The following CDH18 variants were observed in gnomAD, a reference collection of about 807,000 sequenced individuals.
CDH18 encodes the protein cadherin 18.
CDH18 carries 31 observed loss-of-function variants against 67.9 expected under a neutral mutation model. The ratio of observed to expected loss-of-function variants is 0.46; its 90% CI spans 0.34 to 0.62. The LOEUF is 0.62. Among genes scored for constraint, CDH18 ranks in the 20% least tolerant of loss-of-function variants. The pLI is 0.01. For synonymous variants in CDH18, 362 were observed against 347.2 expected, an observed-to-expected ratio of 1.04 and a Z score of -0.48; for missense variants, 890 against 975.5, an observed-to-expected ratio of 0.91 and a Z score of 1.17.
At position 20,473,805 on chromosome 5, in the gene CDH18, A is replaced by G. The variant is rs369563433; in HGVS notation, c.-580+101657T>C. ...CCAATCCTTGATTATTTTTGATAAT[A>G]GCATCTTAACATCAGATAATCTTAT... On this transcript the variant is annotated intron_variant, in intron 1 of 14. Transcript: ENST00000507958. Among the ~76,000 whole-genome samples, 397 of 152,272 alleles carry G rather than the reference A, an allele frequency of 2.6e-3. 14 individuals are homozygous for G. In the South Asian group the frequency reaches 0.048, roughly 19 times the overall value.
chr5:20,191,885 T>A (rs2126720143), intron 2 of CDH18, among the ~76,000 whole-genome samples: 1 of 152,254 alleles, frequency 6.6e-6, no homozygotes, highest in East Asian at 1.9e-4. Flanking sequence ...GTAATGGGAT[T>A]GCTAGGTCAA....
At chr5:19,973,338 T>C (rs1798202786) in intron 2 of CDH18, among the ~76,000 whole-genome samples, 1 of 152,174 alleles carries the variant, frequency 6.6e-6, no homozygotes, top group Non-Finnish European at 1.5e-5. Flanking sequence ...GGAATGCAGG[T>C]AATATTCCAT....
At chr5:20,562,094 T>C (rs1181581410) in intron 1 of CDH18, among the ~76,000 whole-genome samples, 3 of 151,830 alleles carry the variant, frequency 2.0e-5, no homozygotes, top group Non-Finnish European at 2.9e-5. Flanking sequence ...TTCATAGACA[T>C]AGTCTCACAA....
At chr5:20,142,260 A>G (rs566060864) in intron 2 of CDH18, among the ~76,000 whole-genome samples, 2 of 152,204 alleles carry the variant, frequency 1.3e-5, no homozygotes, top group South Asian at 4.1e-4. Context: ...ATTCCATCTC[A>G]TGGATATAAA....
intron 1 of CDH18, among the ~76,000 whole-genome samples, chr5:20,473,455 T>C (rs1325881729): frequency 1.3e-5 from 2 of 152,100 alleles, no homozygotes; most frequent in East Asian, 3.9e-4. Flanking sequence ...AACATTACAT[T>C]GGAAGGATGC....
At chr5:20,059,977 GGCT>G (rs1385075143) in intron 2 of CDH18, among the ~76,000 whole-genome samples, 2 of 151,826 alleles carry the variant, frequency 1.3e-5, no homozygotes, top group Non-Finnish European at 2.9e-5. Context: ...GCTTGTCGGG[GGCT>G]GGGGGGCTAG....
rs1209691609 is a variant in CDH18 at position 20,055,982 on chromosome 5, T to C, written c.-517-63968A>G. ...GTTTATGTCTAACTTTAGGGTCCTT[T>C]TGGTTTCCTTTTTTTTTTTTTTTTT... On this transcript the variant is annotated intron_variant, in intron 2 of 14. Coordinates refer to the CDH18 transcript ENST00000507958. 3.3e-5 allele frequency among the ~76,000 whole-genome samples: 5 copies of C among 149,636 alleles called. No individual in the cohort carries two copies. The Admixed American group carries it at 3.3e-4, about 10-fold the overall frequency.
At chr5:19,807,695 AC>A (rs1778178497) in intron 3 of CDH18, among the ~76,000 whole-genome samples, 1 of 152,144 alleles carries the variant, frequency 6.6e-6, no homozygotes, top group South Asian at 2.1e-4. Context: ...CAATGACCAC[AC>A]AAAACACATC....
At chr5:19,524,090 ACT>A (rs1476824358) in intron 9 of CDH18, among the ~76,000 whole-genome samples, 4 of 151,902 alleles carry the variant, frequency 2.6e-5, no homozygotes, top group Non-Finnish European at 5.9e-5. Flanking sequence ...TGCTTTTGTA[ACT>A]CTAATTCTTA....
At chr5:20,126,876 C>T (rs948578164) in intron 2 of CDH18, among the ~76,000 whole-genome samples, 5 of 152,064 alleles carry the variant, frequency 3.3e-5, no homozygotes, top group Non-Finnish European at 5.9e-5. Flanking sequence ...TAAAATGGTA[C>T]ATGATGAAAA....
chr5:20,264,456 C>T (rs191108946), intron 1 of CDH18, among the ~76,000 whole-genome samples: 9 of 151,882 alleles, frequency 5.9e-5, no homozygotes, highest in Non-Finnish European at 8.8e-5. Flanking sequence ...AATTTAATAG[C>T]GTGTACACAT....
At chr5:19,593,084 T>G (rs1745439944) in intron 6 of CDH18, among the ~76,000 whole-genome samples, 1 of 152,156 alleles carries the variant, frequency 6.6e-6, no homozygotes, top group African/African-American at 2.4e-5. Context: ...ACATTTAGAT[T>G]GTTTCCATGT....
intron 2 of CDH18, among the ~76,000 whole-genome samples, chr5:20,057,530 G>T (rs1357103296): frequency 2.6e-5 from 4 of 152,038 alleles, no homozygotes; most frequent in Non-Finnish European, 5.9e-5. Context: ...ACTGTTCCAT[G>T]CACTGGGGTT....
intron 2 of CDH18, among the ~76,000 whole-genome samples, chr5:20,092,460 T>A (rs1280873306): frequency 6.6e-6 from 1 of 152,196 alleles, no homozygotes; most frequent in Non-Finnish European, 1.5e-5. Context: ...GAGAAAATGT[T>A]TTGAATTTGG....
intron 1 of CDH18, among the ~76,000 whole-genome samples, chr5:20,321,364 AG>A (rs2150007228): frequency 6.6e-6 from 1 of 152,184 alleles, no homozygotes. Context: ...GTCAGACACC[AG>A]GGACCAGATA....
At chr5:19,684,345 T>A (rs1760766022) in intron 5 of CDH18, among the ~76,000 whole-genome samples, 1 of 151,658 alleles carries the variant, frequency 6.6e-6, no homozygotes, top group Admixed American at 6.6e-5. Context: ...GAATTAAAAT[T>A]GTATTTAATA....
intron 6 of CDH18, among the ~76,000 whole-genome samples, chr5:19,603,912 T>C (rs1747590088): frequency 6.6e-6 from 1 of 151,654 alleles, no homozygotes; most frequent in South Asian, 2.1e-4. Flanking sequence ...CAAGTAGTAC[T>C]AGAATAATTT....
At chr5:19,851,975 T>C (rs1581647261) in intron 2 of CDH18, among the ~76,000 whole-genome samples, 1 of 152,078 alleles carries the variant, frequency 6.6e-6, no homozygotes, top group African/African-American at 2.4e-5. Context: ...CATTGTTTTG[T>C]GTACGTGGAT....
At chr5:19,861,013 G>A (rs891774647) in intron 2 of CDH18, among the ~76,000 whole-genome samples, 1 of 152,052 alleles carries the variant, frequency 6.6e-6, no homozygotes, top group Non-Finnish European at 1.5e-5. Flanking sequence ...ATGAATGCAT[G>A]AGTTGAGATA....
Sources: allele counts gnomAD v4.1 joint callset (sites outside exome capture counted in the v4.1 genomes callset), GRCh38; gene constraint gnomAD v4.1.1; transcripts MANE v1.5; gene names NCBI Gene and HGNC (gene_info 2026-07-23, HGNC 2026-07-21).